DMD: variants seen among roughly 807,000 people sequenced by gnomAD.
DMD encodes the protein dystrophin, also known as mutant dystrophin.
Under a neutral mutation model 330.1 loss-of-function variants are expected in DMD, and 63 were observed. The ratio of observed to expected loss-of-function variants is 0.19; its 90% CI spans 0.16 to 0.24. The LOEUF (loss-of-function observed/expected upper bound fraction) is 0.24, where lower values mean the gene tolerates loss of function less well. Ranked by LOEUF, DMD falls within the 10% of genes least tolerant of loss-of-function variation. The pLI, the probability that DMD is intolerant of heterozygous loss-of-function variation, is 1.00. For synonymous variants in DMD, 1,223 were observed against 959.8 expected (o/e 1.27, Z -5.07); for missense variants, 3,344 against 2,684.1 (o/e 1.25, Z -5.43).
chrX:31,992,995 T>C (rs1399548288), intron 44 of DMD, among the ~76,000 whole-genome samples: 1 of 111,971 alleles, frequency 8.9e-6, no homozygotes, highest in Non-Finnish European at 1.9e-5. Flanking sequence ...TGCATTTACA[T>C]CTAAGCAGAA....
At chrX:31,881,396 C>CAAA (rs34731646) in intron 47 of DMD, among the ~76,000 whole-genome samples, 1 of 81,035 alleles carries the variant, frequency 1.2e-5, no homozygotes, top group African/African-American at 4.4e-5. Flanking sequence ...ACTAAAAATA[C>CAAA]AAAAAAAAAA....
At position 32,547,825 on chromosome X, in the gene DMD, C is replaced by T. The variant is rs182877428; in HGVS notation, c.1993-2491G>A. Among the ~76,000 whole-genome samples, 105 of 111,101 alleles carry T rather than the reference C, an allele frequency of 9.5e-4. 1 individual carries two copies. The highest frequency in any genetic ancestry group is 8.2e-3 in the Admixed American group (85 of 10,377). On this transcript the variant is annotated intron_variant, in intron 16 of 78. Coordinates refer to ENST00000357033, the MANE Select transcript of DMD (RefSeq NM_004006.3). ...TTTCTTAGCATGCAAGCAAACTTTC[C>T]CCATTGGGAAAGATGTTCTTAACAA...
At chrX:32,049,194 A>G (rs1336246575) in intron 44 of DMD, among the ~76,000 whole-genome samples, 1 of 111,507 alleles carries the variant, frequency 9.0e-6, no homozygotes, top group African/African-American at 3.3e-5. Context: ...TTGAGACAAC[A>G]GCATGCATCC....
intron 60 of DMD, among the ~76,000 whole-genome samples, chrX:31,396,774 G>A (rs1230724632): frequency 1.8e-5 from 2 of 111,170 alleles, no homozygotes; most frequent in Non-Finnish European, 3.8e-5. Flanking sequence ...TATTTCTAAG[G>A]AAAATCATTC....
chrX:31,856,437 T>C (rs2093614484), intron 48 of DMD, among the ~76,000 whole-genome samples: 2 of 111,805 alleles, frequency 1.8e-5, no homozygotes, highest in Admixed American at 1.9e-4. Flanking sequence ...GGCACATTGA[T>C]TGTTTGGTTT....
At chrX:32,410,542 C>A (rs2098137452) in intron 30 of DMD, among the ~76,000 whole-genome samples, 1 of 111,663 alleles carries the variant, frequency 9.0e-6, no homozygotes, top group Non-Finnish European at 1.9e-5. Flanking sequence ...CCCCCAAATT[C>A]ATTTTAAAGT....
At chrX:31,187,520 T>C (rs1281866770) in intron 67 of DMD, among the ~76,000 whole-genome samples, 2 of 111,923 alleles carry the variant, frequency 1.8e-5, no homozygotes, top group Admixed American at 1.9e-4. Flanking sequence ...AACTAAAATC[T>C]CTGAGTCAGT....
Position 31,951,568 on chromosome X carries a change from A to C in DMD, c.6614+16771T>G, listed in dbSNP as rs10465382. 8.6e-4 allele frequency among the ~76,000 whole-genome samples: 95 copies of C among 110,511 alleles called. No individual in the cohort carries two copies. The East Asian group carries it at 0.012, about 14-fold the overall frequency. On this transcript the variant is annotated intron_variant, in intron 45 of 78. Coordinates refer to ENST00000357033, the MANE Select transcript of DMD (RefSeq NM_004006.3). Reference sequence around the variant, plus strand: ...TCTTAGTGCTTGCTCTAAAGATTACATATGCATCTTAATTGATCATAATTT... The same window carrying C: ...TCTTAGTGCTTGCTCTAAAGATTACCTATGCATCTTAATTGATCATAATTT...
intron 1 of DMD, among the ~76,000 whole-genome samples, chrX:33,187,815 G>T (rs1052767621): frequency 5.4e-5 from 6 of 111,530 alleles, no homozygotes; most frequent in African/African-American, 1.6e-4. Context: ...CATTACATAT[G>T]TATTGGTAGA....
intron 63 of DMD, among the ~76,000 whole-genome samples, chrX:31,241,251 G>A (rs2048252037): frequency 9.0e-6 from 1 of 111,627 alleles, no homozygotes; most frequent in African/African-American, 3.3e-5. Context: ...GTATAGCTGA[G>A]GGGCTAAATC....
chrX:32,604,283 GAATT>G (rs927520611), intron 12 of DMD, among the ~76,000 whole-genome samples: 3 of 110,241 alleles, frequency 2.7e-5, no homozygotes, highest in Non-Finnish European at 5.7e-5. Flanking sequence ...CACATAAAAA[GAATT>G]AAAAACAAAA....
chrX:32,167,876 T>G (rs2096873738), intron 44 of DMD, among the ~76,000 whole-genome samples: 1 of 112,421 alleles, frequency 8.9e-6, no homozygotes, highest in South Asian at 3.7e-4. Context: ...GGGAGGAGCA[T>G]GAGGGAAATT....
intron 2 of DMD, among the ~76,000 whole-genome samples, chrX:32,978,732 G>A (rs12836513): frequency 0.03 from 3,335 of 112,444 alleles, 88 homozygotes; most frequent in East Asian, 0.17. Flanking sequence ...GCCTCCCAAA[G>A]TGCTGGGATT....
intron 44 of DMD, among the ~76,000 whole-genome samples, chrX:31,968,981 CTA>C (rs1048280258): frequency 2.7e-5 from 3 of 110,982 alleles, no homozygotes; most frequent in Admixed American, 1.9e-4. Context: ...AAAAAAAACT[CTA>C]GAGATATTTA....
chrX:31,166,790 G>C (rs2039463048), intron 74 of DMD, among the ~76,000 whole-genome samples: 1 of 111,388 alleles, frequency 9.0e-6, no homozygotes, highest in South Asian at 3.8e-4. Flanking sequence ...TTTGGAATTT[G>C]GTAGAAGGTC....
chrX:32,518,248 C>T, intron 17 of DMD, 117 bp from the exon 18 acceptor site: 1 of 731,188 alleles, frequency 1.4e-6, no homozygotes, highest in African/African-American at 2.1e-5. Flanking sequence ...CTGCCTGACA[C>T]CTCTATTAGT....
chrX:32,035,288 G>T (rs978518799), intron 44 of DMD, among the ~76,000 whole-genome samples: 4 of 111,828 alleles, frequency 3.6e-5, no homozygotes, highest in African/African-American at 1.3e-4. Flanking sequence ...AAGAATTGGG[G>T]TTGGGAAAGG....
intron 11 of DMD, among the ~76,000 whole-genome samples, chrX:32,619,362 G>A (rs774623768): frequency 1.8e-5 from 2 of 111,303 alleles, no homozygotes; most frequent in Middle Eastern, 4.6e-3. Flanking sequence ...TATAGTCACA[G>A]TCAAAATATT....
At chrX:31,831,711 G>A (rs761624668) in intron 49 of DMD, among the ~76,000 whole-genome samples, 1 of 110,713 alleles carries the variant, frequency 9.0e-6, no homozygotes, top group Non-Finnish European at 1.9e-5. Flanking sequence ...CCATTCTCCT[G>A]CCTCAGCCTC....
Sources: allele counts gnomAD v4.1 joint callset (sites outside exome capture counted in the v4.1 genomes callset), GRCh38; gene constraint gnomAD v4.1.1; transcripts MANE v1.5; gene names NCBI Gene and HGNC (gene_info 2026-07-23, HGNC 2026-07-21).